The following TNFRSF14 variants were observed in gnomAD, a reference collection of about 807,000 sequenced individuals.
The protein encoded by TNFRSF14 is TNF receptor superfamily member 14, also known as tumor necrosis factor receptor superfamily member 14.
A neutral mutation model predicts 34.1 loss-of-function variants in TNFRSF14; 18 were observed. The ratio of observed to expected loss-of-function variants is 0.53; its 90% CI spans 0.36 to 0.78. The LOEUF is 0.78. TNFRSF14 is among the 30% of genes least tolerant of loss of function. The pLI, the probability that TNFRSF14 is intolerant of heterozygous loss-of-function variation, is 0.00. For missense variants in TNFRSF14, 352 were observed against 379.5 expected, an observed-to-expected ratio of 0.93 and a Z score of 0.60; for synonymous variants, 157 against 153.2, an observed-to-expected ratio of 1.02 and a Z score of -0.18.
rs780778369 is a variant in TNFRSF14 at position 2,559,804 on chromosome 1, C to T, written c.305-19C>T. 1.2e-6 allele frequency: 2 copies of T among 1,601,866 alleles called. No individual in the cohort carries two copies. Among genetic ancestry groups the T allele is most frequent in the South Asian group, 2.2e-5 (2 of 89,442 alleles). ...CCGGCCTCCACGTACCCCTCTCAGC[C>T]CCTCCTCTTGGACTCCAGCCATGGG... is the stretch of plus-strand genomic sequence containing the variant. On this transcript the variant is annotated intron_variant, in intron 3 of 7. Transcript: ENST00000355716.
At chr1:2,554,466 C>T (rs541247369), upstream of TNFRSF14, among the ~76,000 whole-genome samples, 11 of 152,144 alleles carry the variant, frequency 7.2e-5, no homozygotes, top group East Asian at 5.8e-4. This position sits in a 1 kb window ranked among gnomAD's most constrained non-coding sequence, Gnocchi z 4.2. Flanking sequence ...GACGGAGGGC[C>T]GAGGCGGGCG....
At chr1:2,556,816 C>A (rs1240619756) in intron 1 of TNFRSF14, 83 bp downstream of exon 1, 7 of 1,371,228 alleles carry the variant, frequency 5.1e-6, no homozygotes, top group Middle Eastern at 2.6e-4. Context: ...TCCCCATGCC[C>A]CTGTCCTGGC....
intron 1 of TNFRSF14, 70 bp from the exon 2 acceptor site, chr1:2,557,656 G>A: frequency 2.4e-6 from 3 of 1,233,866 alleles, no homozygotes; most frequent in Non-Finnish European, 3.4e-6. Flanking sequence ...GATTCAGGCT[G>A]TGGGGCCAAG....
chr1:2,563,503 C>T lies in TNFRSF14; in HGVS notation c.*230C>T. ...GCCTGGGGCCTCTGTTCTGCTGTGG[C>T]CTGAGCTCCCCAGAGTCCTGAGGAG... On this transcript the variant is annotated 3_prime_UTR_variant, in exon 8 of 8. Transcript: ENST00000355716. 2 of 607,838 alleles carry T rather than the reference C, an allele frequency of 3.3e-6. No individual in the cohort carries two copies. Among genetic ancestry groups the T allele is most frequent in the Non-Finnish European group, 5.5e-6 (2 of 362,608 alleles). 37.7% of individuals were successfully genotyped at this position (607,838 alleles called of 1,614,324 possible). A position where few individuals can be genotyped will look rare whatever the true frequency, so the allele number is the denominator to read the frequency against.
upstream of TNFRSF14, chr1:2,554,283 CGG>C (rs973982567): frequency 6.5e-6 from 1 of 152,918 alleles, no homozygotes; most frequent in African/African-American, 2.4e-5. The surrounding 1 kb of genome is among the most constrained non-coding windows in gnomAD (Gnocchi z 4.2). Flanking sequence ...GTGCTGGTGC[CGG>C]GAGAGCCCAC....
chr1:2,560,835 C>G, intron 5 of TNFRSF14, 121 bp downstream of exon 5: 1 of 846,480 alleles, frequency 1.2e-6, no homozygotes, highest in Non-Finnish European at 1.9e-6. Context: ...GAGCGGCACC[C>G]TGGTCACATG....
intron 1 of TNFRSF14, chr1:2,557,118 G>A: frequency 3.6e-6 from 1 of 275,320 alleles, no homozygotes; most frequent in Non-Finnish European, 6.9e-6. Flanking sequence ...GGTGACAGGT[G>A]ATAAGATCAG....
upstream of TNFRSF14, among the ~76,000 whole-genome samples, chr1:2,554,489 A>G (rs966066822): frequency 6.6e-6 from 1 of 152,120 alleles, no homozygotes; most frequent in Non-Finnish European, 1.5e-5. This position sits in a 1 kb window ranked among gnomAD's most constrained non-coding sequence, Gnocchi z 4.2. Flanking sequence ...TACGGGGAGC[A>G]GGGAGCGGGG....
chr1:2,559,121 G>A (rs2100849453), intron 3 of TNFRSF14: 1 of 1,363,836 alleles, frequency 7.3e-7, no homozygotes, highest in Middle Eastern at 1.9e-4. Context: ...GGCACACCTG[G>A]GGGCAGGGCC....
intron 1 of TNFRSF14, chr1:2,557,042 TGTCTCTGGGC>T (rs199552681): frequency 0.08 from 30,917 of 387,638 alleles, 1,749 homozygotes; most frequent in Middle Eastern, 0.11. Context: ...GGGGGCTGGG[TGTCTCTGGGC>T]GTCTCTGGGC....
chr1:2,561,454 G>GT lies in TNFRSF14; in HGVS notation c.552-216dup. The stretch of plus-strand genomic sequence containing the variant: ...TGTCTCCTTTGCCCAGTCTCTCCTT[G>GT]TTTCTCTTCTCCTCCTTCCTTCTCT... On this transcript the variant is annotated intron_variant, in intron 5 of 7. Transcript: ENST00000355716. This position sits in a 1 kb window ranked among gnomAD's most constrained non-coding sequence, Gnocchi z 6.0. The GT allele has an allele frequency of 6.7e-7, 1 of 1,482,378 alleles. No individual in the cohort carries two copies. The highest frequency in any genetic ancestry group is 9.0e-7 in the Non-Finnish European group (1 of 1,111,146). The allele number at this position is 1,482,378 out of a possible 1,614,324, so 91.8% of individuals were successfully genotyped here. A position where few individuals can be genotyped will look rare whatever the true frequency, so the allele number is the denominator to read the frequency against.
At chr1:2,557,890 C>T in intron 2 of TNFRSF14, 56 bp downstream of exon 2, 1 of 1,391,296 alleles carries the variant, frequency 7.2e-7, no homozygotes, top group African/African-American at 1.4e-5. Context: ...ACACTCTTGC[C>T]CCCTTCTGCC....
intron 7 of TNFRSF14, 29 bp from the exon 8 acceptor site, chr1:2,563,119 C>T: frequency 1.2e-6 from 2 of 1,611,856 alleles, no homozygotes; most frequent in South Asian, 1.1e-5. Flanking sequence ...CCTGAGCAGG[C>T]AGGGTCTCCA....
intron 7 of TNFRSF14, 40 bp downstream of exon 7, chr1:2,562,936 T>C (rs1486669453): frequency 1.3e-5 from 21 of 1,572,342 alleles, no homozygotes; most frequent in Non-Finnish European, 1.8e-5. Flanking sequence ...CCCTCCACCT[T>C]CCCACCTCCC....
At chr1:2,560,217 G>T (rs1644287263) in intron 4 of TNFRSF14, among the ~76,000 whole-genome samples, 1 of 152,198 alleles carries the variant, frequency 6.6e-6, no homozygotes, top group African/African-American at 2.4e-5. Flanking sequence ...CCACCTCGGG[G>T]TTCTGGGACT....
intron 1 of TNFRSF14, 83 bp downstream of exon 1, chr1:2,556,816 C>T: frequency 1.5e-6 from 2 of 1,371,348 alleles, no homozygotes; most frequent in Admixed American, 2.7e-5. Context: ...TCCCCATGCC[C>T]CTGTCCTGGC....
At position 2,561,828 on chromosome 1, in the gene TNFRSF14, C is replaced by T. The variant is rs369003018; in HGVS notation, c.694+13C>T. On this transcript the variant is annotated intron_variant, in intron 6 of 7. Transcript: ENST00000355716. This position sits in a 1 kb window ranked among gnomAD's most constrained non-coding sequence, Gnocchi z 6.0. Reference sequence around the variant, plus strand: ...AGAAAGCCAAGGGGTGAGCACACGGCGGCCCCATCAGGGCTCATGTCCCCA... The same window carrying T: ...AGAAAGCCAAGGGGTGAGCACACGGTGGCCCCATCAGGGCTCATGTCCCCA... 37 of 1,611,322 alleles carry T rather than the reference C, an allele frequency of 2.3e-5. No individual in the cohort carries two copies. Among genetic ancestry groups the T allele is most frequent in the Admixed American group, 2.2e-4 (13 of 59,918 alleles).
Position 2,556,722 on chromosome 1 carries a change from G to A in TNFRSF14, c.58G>A (p.Val20Ile), listed in dbSNP as rs148894581. 150 of 1,602,604 alleles carry A rather than the reference G, an allele frequency of 9.4e-5. No homozygotes were observed. Among genetic ancestry groups the A allele is most frequent in the South Asian group, 3.4e-4 (30 of 89,020 alleles). ...CTGGAGATCCACCCCCAAAACCGAC[G>A]TCTTGAGGCTGGTGAGCCCCCGAGC... ...PPWRSTPKTDVLRLVLYLTFL... is the reference protein window; with the variant it reads ...PPWRSTPKTDILRLVLYLTFL... Residue 20 changes from valine (V) to isoleucine (I), a missense_variant, in exon 1 of 8, where the codon GTC becomes ATC. Physicochemically the swap from Val to Ile is conservative, Grantham distance 29. Transcript: ENST00000355716.
In TNFRSF14 at chr1:2,559,941, C is replaced by G. The variant is rs371690095; in HGVS notation, c.423C>G (p.Tyr141Ter). The change falls in exon 4 of 8, where the codon TAC (tyrosine) becomes TAG (stop). Residue 141 changes from tyrosine (Y) to a stop codon, truncating the protein, a stop_gained. Transcript: ENST00000355716. LOFTEE classifies it high-confidence loss of function. Reference sequence around the variant, plus strand: ...ACCACTGCGCCGCGTGCCGCGCTTACGCCACCTCCAGCCCGGGCCAGAGGG... The same window carrying G: ...ACCACTGCGCCGCGTGCCGCGCTTAGGCCACCTCCAGCCCGGGCCAGAGGG... Reference protein sequence around the residue: ...DGDHCAACRAYATSSPGQRVQ... With the variant: ...DGDHCAACRA 6.3e-7 allele frequency: 1 copy of G among 1,594,142 alleles called. No individual in the cohort carries two copies. Among genetic ancestry groups the G allele is most frequent in the East Asian group, 2.3e-5 (1 of 43,994 alleles).
Sources: gnomAD v4.1 joint callset for allele counts (sites outside exome capture counted in the v4.1 genomes callset) on GRCh38, gnomAD v4.1.1 for gene constraint, Gnocchi (gnomAD v3.1) non-coding constraint, MANE v1.5 for transcripts, NCBI Gene and HGNC (gene_info 2026-07-23, HGNC 2026-07-21) for gene names.